TCF7L2: variants seen among roughly 807,000 people sequenced by gnomAD.
TCF7L2 encodes transcription factor 7-like 2.
In TCF7L2, 23 loss-of-function variants were observed where a neutral mutation model predicts 77.9. That is an observed-to-expected ratio of 0.30 (90% CI 0.21 to 0.42). The LOEUF is 0.42. TCF7L2 is among the 10% of genes least tolerant of loss of function. TCF7L2 has a pLI of 1.00. For missense variants in TCF7L2, 654 were observed against 793.1 expected, an observed-to-expected ratio of 0.82 and a Z score of 2.11; for synonymous variants, 413 against 340.2, an observed-to-expected ratio of 1.21 and a Z score of -2.36.
At chr10:113,121,585 G>A (rs755801594) in intron 5 of TCF7L2, among the ~76,000 whole-genome samples, 19 of 152,294 alleles carry the variant, frequency 1.2e-4, no homozygotes, top group Admixed American at 6.5e-4. Flanking sequence ...GGGTGAATGG[G>A]AGGAGGGAAA....
chr10:113,101,168 A>G (rs371376028), intron 5 of TCF7L2, among the ~76,000 whole-genome samples: 1 of 152,230 alleles, frequency 6.6e-6, no homozygotes, highest in African/African-American at 2.4e-5. Context: ...TTTCCTCCCT[A>G]TAAAAAGGAG....
rs140533314 is a variant in TCF7L2 at position 112,983,519 on chromosome 10, T to C, written c.450+18895T>C. ...TTAATTAATTAAAAAGTCATCCTTTTCAGTTCTCAAATGGCAGAGGTCTGC... is the reference window on the plus strand; with the variant it reads ...TTAATTAATTAAAAAGTCATCCTTTCCAGTTCTCAAATGGCAGAGGTCTGC... On this transcript the variant is annotated intron_variant, in intron 4 of 13. Coordinates refer to ENST00000627217, the MANE Select transcript of TCF7L2 (RefSeq NM_001146274.2). 2.6e-3 allele frequency among the ~76,000 whole-genome samples: 399 copies of C among 152,288 alleles called. 2 individuals are homozygous for C. Among genetic ancestry groups the C allele is most frequent in the African/African-American group, 9.0e-3 (376 of 41,564 alleles).
At chr10:113,141,391 GA>G in intron 6 of TCF7L2, 75 bp downstream of exon 6, 1 of 1,600,106 alleles carries the variant, frequency 6.2e-7, no homozygotes, top group South Asian at 1.1e-5. Context: ...GCCTCCACAG[GA>G]ACCCCAGGGG....
At chr10:113,097,649 A>G (rs1318202213) in intron 5 of TCF7L2, among the ~76,000 whole-genome samples, 1 of 108,654 alleles carries the variant, frequency 9.2e-6, no homozygotes, top group African/African-American at 3.5e-5. Flanking sequence ...TGTCTCGGAA[A>G]AAAAAAAAAA....
At chr10:113,152,665 G>A (rs2071007559) in intron 11 of TCF7L2, among the ~76,000 whole-genome samples, 1 of 152,168 alleles carries the variant, frequency 6.6e-6, no homozygotes, top group East Asian at 1.9e-4. Flanking sequence ...GTGGAGAGAG[G>A]AGGCTGCAGT....
chr10:112,960,211 G>A (rs1213568188), intron 3 of TCF7L2, among the ~76,000 whole-genome samples: 1 of 152,116 alleles, frequency 6.6e-6, no homozygotes, highest in Non-Finnish European at 1.5e-5. Context: ...CCCATTCCAT[G>A]TCTGGGTATC....
intron 5 of TCF7L2, among the ~76,000 whole-genome samples, chr10:113,079,689 G>A (rs769870804): frequency 3.3e-5 from 5 of 151,780 alleles, no homozygotes; most frequent in South Asian, 2.1e-4. Context: ...ACAGAGTCTC[G>A]CTCCATCGCC....
rs559681164 is a variant in TCF7L2 at position 113,145,819 on chromosome 10, A to G, written c.789-192A>G. On this transcript the variant is annotated intron_variant, in intron 7 of 13. Coordinates refer to ENST00000627217, the MANE Select transcript of TCF7L2 (RefSeq NM_001146274.2). Reference sequence around the variant, plus strand: ...TTATAAAATTTAATTAGCCATTCCTATCAGATTTATGGCATTCAAATTGTT... The same window carrying G: ...TTATAAAATTTAATTAGCCATTCCTGTCAGATTTATGGCATTCAAATTGTT... 1.8e-4 allele frequency among the ~76,000 whole-genome samples: 27 copies of G among 152,292 alleles called. No individual in the cohort carries two copies. In the South Asian group the frequency reaches 5.4e-3, roughly 30 times the overall value.
chr10:113,020,625 G>A (rs2048128501), intron 4 of TCF7L2, among the ~76,000 whole-genome samples: 1 of 152,164 alleles, frequency 6.6e-6, no homozygotes, highest in Non-Finnish European at 1.5e-5. Flanking sequence ...ATAATAACTT[G>A]TGTTTTTATA....
At chr10:113,065,262 C>T (rs956693194) in intron 5 of TCF7L2, among the ~76,000 whole-genome samples, 5 of 152,202 alleles carry the variant, frequency 3.3e-5, no homozygotes, top group Admixed American at 1.3e-4. Flanking sequence ...TTTTGAATGC[C>T]TCCTGTTTAG....
intron 5 of TCF7L2, among the ~76,000 whole-genome samples, chr10:113,122,804 G>A (rs543741459): frequency 2.6e-5 from 4 of 152,244 alleles, no homozygotes; most frequent in African/African-American, 4.8e-5. Flanking sequence ...AGTGTGGTCC[G>A]GAATTACCTG....
intron 5 of TCF7L2, among the ~76,000 whole-genome samples, chr10:113,065,240 G>A (rs2063267776): frequency 6.6e-6 from 1 of 152,204 alleles, no homozygotes; most frequent in African/African-American, 2.4e-5. Flanking sequence ...TCATGAATAG[G>A]CAAAAGGCCT....
chr10:112,952,607 C>T (rs1250636441), intron 3 of TCF7L2, among the ~76,000 whole-genome samples: 2 of 152,110 alleles, frequency 1.3e-5, no homozygotes, highest in African/African-American at 4.8e-5. Flanking sequence ...CCGTCGTGGG[C>T]CCCAGGGGGG....
Position 113,166,207 on chromosome 10 carries a change from A to G in TCF7L2, c.*235A>G. On this transcript the variant is annotated 3_prime_UTR_variant, in exon 14 of 14. Transcript: ENST00000627217. ...ACCTCATGATTCTACCAAAATTTTTATCAACAGCTGTTTAAAGTCTTTGTA... is the reference window on the plus strand; with the variant it reads ...ACCTCATGATTCTACCAAAATTTTTGTCAACAGCTGTTTAAAGTCTTTGTA... 1 of 383,018 alleles carries G rather than the reference A, an allele frequency of 2.6e-6. No individual in the cohort carries two copies. The highest frequency in any genetic ancestry group is 3.9e-5 in the East Asian group (1 of 25,738). 23.7% of individuals were successfully genotyped at this position (383,018 alleles called of 1,614,324 possible).
At chr10:113,068,753 C>T (rs1409534803) in intron 5 of TCF7L2, among the ~76,000 whole-genome samples, 4 of 152,086 alleles carry the variant, frequency 2.6e-5, no homozygotes, top group East Asian at 1.9e-4. Context: ...AAGCTCGTCC[C>T]GTCCGCAGGC....
intron 6 of TCF7L2, among the ~76,000 whole-genome samples, chr10:113,142,237 A>G (rs1329456700): frequency 1.3e-5 from 2 of 151,964 alleles, no homozygotes; most frequent in East Asian, 1.9e-4. Flanking sequence ...ACTCCTGACC[A>G]CCTCGGCCTC....
intron 4 of TCF7L2, among the ~76,000 whole-genome samples, chr10:112,980,170 A>C (rs1428869186): frequency 6.6e-6 from 1 of 152,238 alleles, no homozygotes; most frequent in African/African-American, 2.4e-5. Context: ...CTGGGCAGGC[A>C]GTGAATAAGG....
At chr10:113,116,796 T>G (rs1381957445) in intron 5 of TCF7L2, among the ~76,000 whole-genome samples, 1 of 152,134 alleles carries the variant, frequency 6.6e-6, no homozygotes, top group Non-Finnish European at 1.5e-5. Flanking sequence ...CATACAAAAA[T>G]AAATGTTGAA....
chr10:112,966,184 T>TTATATTTATATTTATATATATA, intron 4 of TCF7L2, among the ~76,000 whole-genome samples: 1 of 114,232 alleles, frequency 8.8e-6, no homozygotes, highest in African/African-American at 4.8e-5. Flanking sequence ...TAAAATATAT[T>TTATATTTATATTTATATATATA]TATATATATA....
Sources: gnomAD v4.1 joint callset for allele counts (sites outside exome capture counted in the v4.1 genomes callset) on GRCh38, gnomAD v4.1.1 for gene constraint, MANE v1.5 for transcripts, NCBI Gene and HGNC (gene_info 2026-07-23, HGNC 2026-07-21) for gene names.